SUPT3H: variants seen among roughly 807,000 people sequenced by gnomAD.
The protein encoded by SUPT3H is transcription initiation protein SPT3 homolog.
SUPT3H carries 44 observed loss-of-function variants against 44.3 expected under a neutral mutation model. That is an observed-to-expected ratio of 0.99 (90% CI 0.78 to 1.28). SUPT3H has a LOEUF of 1.28. SUPT3H is among the 50% of genes most tolerant of loss of function. SUPT3H has a pLI of 0.00. For missense variants in SUPT3H, 380 were observed against 387.1 expected (o/e 0.98, Z 0.15); for synonymous variants, 124 against 125.6 (o/e 0.99, Z 0.09).
intron 3 of SUPT3H, among the ~76,000 whole-genome samples, chr6:45,058,308 C>T (rs1791455142): frequency 6.6e-6 from 1 of 152,030 alleles, no homozygotes; most frequent in Non-Finnish European, 1.5e-5. Context: ...TTCTTATAGT[C>T]AAGGTTTTGT....
At chr6:45,278,510 C>T (rs1777403309) in intron 2 of SUPT3H, among the ~76,000 whole-genome samples, 1 of 152,162 alleles carries the variant, frequency 6.6e-6, no homozygotes. Context: ...AAAAAGCCCA[C>T]TATGACTAAA....
chr6:45,337,860 A>C (rs990662055), intron 2 of SUPT3H, among the ~76,000 whole-genome samples: 1 of 152,012 alleles, frequency 6.6e-6, no homozygotes, highest in Non-Finnish European at 1.5e-5. Context: ...CTGTAAGTAG[A>C]AATAAGATTT....
At chr6:45,228,656 A>T (rs529824467) in intron 2 of SUPT3H, among the ~76,000 whole-genome samples, 35 of 150,864 alleles carry the variant, frequency 2.3e-4, no homozygotes, top group East Asian at 5.8e-4. Flanking sequence ...AATAAAAAAA[A>T]TTTTTTTTTT....
chr6:45,323,016 G>T, intron 2 of SUPT3H: 1 of 1,118,352 alleles, frequency 8.9e-7, no homozygotes, highest in East Asian at 2.5e-5. Context: ...CCTTAATAGA[G>T]ATACAGACAG....
At chr6:45,135,935 A>C (rs1165946933) in intron 2 of SUPT3H, among the ~76,000 whole-genome samples, 2 of 152,228 alleles carry the variant, frequency 1.3e-5, no homozygotes, top group Non-Finnish European at 2.9e-5. Flanking sequence ...ATCGCTAATT[A>C]TCCTGCATTG....
intron 2 of SUPT3H, among the ~76,000 whole-genome samples, chr6:45,259,127 A>G (rs983658251): frequency 6.6e-6 from 1 of 152,118 alleles, no homozygotes; most frequent in African/African-American, 2.4e-5. Flanking sequence ...AAAATGATGC[A>G]GTACACTTTA....
intron 2 of SUPT3H, among the ~76,000 whole-genome samples, chr6:45,166,826 A>C (rs1166332538): frequency 1.3e-5 from 2 of 152,166 alleles, no homozygotes; most frequent in Non-Finnish European, 2.9e-5. Context: ...ACACTTACAC[A>C]CCATTACATA....
At chr6:45,236,775 A>C (rs1769251568) in intron 2 of SUPT3H, among the ~76,000 whole-genome samples, 1 of 152,100 alleles carries the variant, frequency 6.6e-6, no homozygotes, top group African/African-American at 2.4e-5. Context: ...TTATAGCTAC[A>C]TTTGAGCCTT....
intron 3 of SUPT3H, among the ~76,000 whole-genome samples, chr6:45,043,947 G>GTACA (rs1788979476): frequency 6.6e-6 from 1 of 152,092 alleles, no homozygotes. Context: ...ACTCAGAAAT[G>GTACA]TACACCATAT....
intron 3 of SUPT3H, among the ~76,000 whole-genome samples, chr6:45,061,827 G>C (rs1480535378): frequency 6.7e-6 from 1 of 149,640 alleles, no homozygotes; most frequent in Non-Finnish European, 1.5e-5. Context: ...CCATTGTTCT[G>C]AGCTGTAAAT....
chr6:45,372,925 C>T (rs2150316375), intron 1 of SUPT3H, among the ~76,000 whole-genome samples: 1 of 152,276 alleles, frequency 6.6e-6, no homozygotes, highest in Non-Finnish European at 1.5e-5. Flanking sequence ...TCAAGCGATT[C>T]TGATGTCTCA....
At chr6:45,125,948 A>T (rs1360276187) in intron 2 of SUPT3H, among the ~76,000 whole-genome samples, 2 of 151,884 alleles carry the variant, frequency 1.3e-5, no homozygotes, top group Admixed American at 1.3e-4. Context: ...ATTTTTTTTC[A>T]GAAGTTTTGA....
intron 2 of SUPT3H, among the ~76,000 whole-genome samples, chr6:45,267,866 G>A (rs182428562): frequency 1.3e-5 from 2 of 152,134 alleles, no homozygotes; most frequent in South Asian, 4.1e-4. Context: ...AAAGTCATGG[G>A]GAGTAGCACC....
intron 2 of SUPT3H, among the ~76,000 whole-genome samples, chr6:45,288,593 A>G (rs1291244256): frequency 0.027 from 1,014 of 38,198 alleles, 13 homozygotes; most frequent in Non-Finnish European, 0.039. Flanking sequence ...GTATATATAT[A>G]TATGTGTATA....
intron 3 of SUPT3H, among the ~76,000 whole-genome samples, chr6:45,033,689 C>A (rs1272954687): frequency 6.6e-6 from 1 of 152,108 alleles, no homozygotes; most frequent in Admixed American, 6.6e-5. Flanking sequence ...AAGTTAACAT[C>A]TTTCTAAAGT....
chr6:45,272,491 T>C (rs4521586), intron 2 of SUPT3H, among the ~76,000 whole-genome samples: 19,784 of 152,188 alleles, frequency 0.13, 1,530 homozygotes, highest in East Asian at 0.26. Flanking sequence ...GAACTGTTAG[T>C]CCAATTAAAC....
chr6:44,899,050 G>C (rs1484241902), intron 10 of SUPT3H: 2 of 152,186 alleles, frequency 1.3e-5, no homozygotes, highest in African/African-American at 4.8e-5. Flanking sequence ...AGATGGCTGG[G>C]ATCACCTTAT....
chr6:45,120,432 AAAAAAAAAAG>A (rs1562497481), intron 2 of SUPT3H, among the ~76,000 whole-genome samples: 3 of 148,498 alleles, frequency 2.0e-5, no homozygotes, highest in African/African-American at 7.3e-5. Context: ...AAAAAAAAAA[AAAAAAAAAAG>A]ACTATATAAG....
chr6:45,372,087 G>A (rs1796147239), intron 1 of SUPT3H: 2 of 921,632 alleles, frequency 2.2e-6, no homozygotes, highest in African/African-American at 1.8e-5. Flanking sequence ...ACAGTGAACT[G>A]TGTTGTGAAA....
Sources: allele counts gnomAD v4.1 joint callset (sites outside exome capture counted in the v4.1 genomes callset), GRCh38; gene constraint gnomAD v4.1.1; transcripts MANE v1.5; gene names NCBI Gene and HGNC (gene_info 2026-07-23, HGNC 2026-07-21).